Variants in RIPOR1 observed in about 807,000 individuals in gnomAD.
RIPOR1 encodes the protein RHO family interacting cell polarization regulator 1, also known as rho family-interacting cell polarization regulator 1.
RIPOR1 carries 58 observed loss-of-function variants against 116.5 expected under a neutral mutation model. That is an observed-to-expected ratio of 0.50 (90% CI 0.40 to 0.62). The LOEUF (loss-of-function observed/expected upper bound fraction) is 0.62. Ranked by LOEUF, RIPOR1 falls within the 20% of genes least tolerant of loss-of-function variation. The pLI is 0.00. For missense variants in RIPOR1, 1,372 were observed against 1,586.2 expected, an observed-to-expected ratio of 0.86 and a Z score of 2.29; for synonymous variants, 605 against 650.0, an observed-to-expected ratio of 0.93 and a Z score of 1.05.
Position 67,544,261 on chromosome 16 carries a change from G to A in RIPOR1, c.2601-38G>A. 2.5e-6 allele frequency: 4 copies of A among 1,573,346 alleles called. No homozygotes were observed. The highest frequency in any genetic ancestry group is 3.5e-6 in the Non-Finnish European group (4 of 1,152,322). On this transcript the variant is annotated intron_variant, in intron 14 of 21. Transcript: ENST00000042381. This position sits in a 1 kb window ranked among gnomAD's most constrained non-coding sequence, Gnocchi z 5.1. The stretch of plus-strand genomic sequence containing the variant: ...TAAACGCTGGTGACCAGGTGGTGAT[G>A]TGTGCCTGTGGGGTGGTGGACCCCA...
rs1258795470 is a variant in RIPOR1, at chr16:67,530,060, T to C, written c.-24+1146T>C. 6.5e-6 allele frequency: 4 copies of C among 616,214 alleles called. No homozygotes were observed. The highest frequency in any genetic ancestry group is 1.2e-5 in the Non-Finnish European group (4 of 342,052). 38.2% of individuals were successfully genotyped at this position (616,214 alleles called of 1,614,324 possible). Reference sequence around the variant, plus strand: ...CCACCGCCCTCTCCGGCTTGGGTCCTGTGACTGCGGCGGGAGAGAGGAGCA... The same window carrying C: ...CCACCGCCCTCTCCGGCTTGGGTCCCGTGACTGCGGCGGGAGAGAGGAGCA... On this transcript the variant is annotated intron_variant, in intron 1 of 21. Coordinates refer to ENST00000042381, the MANE Select transcript of RIPOR1 (RefSeq NM_024519.4). The surrounding 1 kb of genome is among the most constrained non-coding windows in gnomAD (Gnocchi z 4.5).
intron 1 of RIPOR1, among the ~76,000 whole-genome samples, chr16:67,523,521 TAAAAAAAA>T (rs1169903442): frequency 2.3e-5 from 1 of 44,044 alleles, no homozygotes; most frequent in African/African-American, 7.0e-5. Flanking sequence ...CAAGACTCCA[TAAAAAAAA>T]AAAAAAAAAA....
rs374983804 is a variant in RIPOR1, at chr16:67,539,682, C to G, written c.337-46C>G. 4.8e-5 allele frequency: 77 copies of G among 1,612,134 alleles called. No individual in the cohort carries two copies. In the Middle Eastern group the frequency reaches 2.8e-3, roughly 59 times the overall value. On this transcript the variant is annotated intron_variant, in intron 4 of 21. Coordinates refer to ENST00000042381, the MANE Select transcript of RIPOR1 (RefSeq NM_024519.4). ...GAGTCTGAGTGCCTCTGCTGGAGTC[C>G]TCCTCATCCCTCCTAAATATTTGCC...
intron 1 of RIPOR1, chr16:67,518,749 G>A (rs1310661512): frequency 1.3e-5 from 2 of 152,492 alleles, no homozygotes; most frequent in African/African-American, 4.8e-5. Flanking sequence ...CAGGGTGACA[G>A]AGTCAGGTGA....
At position 67,533,964 on chromosome 16, in the gene RIPOR1, C is replaced by G. The variant is rs183093190; in HGVS notation, c.-23-4460C>G. 5.7e-3 allele frequency among the ~76,000 whole-genome samples: 862 copies of G among 149,940 alleles called. 5 individuals carry two copies. Among genetic ancestry groups the G allele is most frequent in the Non-Finnish European group, 0.01 (705 of 67,564 alleles). ...TTGGGATTACAGTCATGCGCCACCA[C>G]GCCCGGCTAATTTTTTTTTTTTTTT... On this transcript the variant is annotated intron_variant, in intron 1 of 21. Transcript: ENST00000042381.
intron 1 of RIPOR1, among the ~76,000 whole-genome samples, chr16:67,534,242 T>G (rs1274399480): frequency 6.6e-6 from 1 of 151,772 alleles, no homozygotes; most frequent in Non-Finnish European, 1.5e-5. Flanking sequence ...TGCCTCAGCC[T>G]CCCGAGTAGG....
At position 67,537,454 on chromosome 16, in the gene RIPOR1, G is replaced by C; in HGVS notation, c.-23-970G>C. 1.6e-6 allele frequency: 2 copies of C among 1,242,172 alleles called. No homozygotes were observed. The highest frequency in any genetic ancestry group is 2.0e-6 in the Non-Finnish European group (2 of 991,974). The allele number at this position is 1,242,172 out of a possible 1,614,324, so 76.9% of individuals were successfully genotyped here. On this transcript the variant is annotated intron_variant, in intron 1 of 21. Coordinates refer to ENST00000042381, the MANE Select transcript of RIPOR1 (RefSeq NM_024519.4). This position sits in a 1 kb window ranked among gnomAD's most constrained non-coding sequence, Gnocchi z 4.6. The stretch of plus-strand genomic sequence containing the variant: ...GGAACTGGGCGGGGGGCGGCGCCGG[G>C]AGGAGCCGAAGCCGAGCCAGAGCCG...
Position 67,537,430 on chromosome 16 carries a change from G to A in RIPOR1, c.-23-994G>A. On this transcript the variant is annotated intron_variant, in intron 1 of 21. Transcript: ENST00000042381. The surrounding 1 kb of genome is among the most constrained non-coding windows in gnomAD (Gnocchi z 4.6). ...CCAGGCGGGCTGAGTCAGGCGGCAG[G>A]AACTGGGCGGGGGGCGGCGCCGGGA... The A allele has an allele frequency of 8.1e-7, 1 of 1,241,402 alleles. No individual in the cohort carries two copies. The highest frequency in any genetic ancestry group is 1.0e-6 in the Non-Finnish European group (1 of 992,150). 76.9% of individuals were successfully genotyped at this position (1,241,402 alleles called of 1,614,324 possible). A position where few individuals can be genotyped will look rare whatever the true frequency, so the allele number is the denominator to read the frequency against.
In RIPOR1 at chr16:67,529,859, G is replaced by A. The variant is rs962928337; in HGVS notation, c.-24+945G>A. ...GCAGATGCAGAAACAGGCCCAGAGA[G>A]GTTAGTAGTATTCTCAAGGTCACAC... On this transcript the variant is annotated intron_variant, in intron 1 of 21. Transcript: ENST00000042381. This position sits in a 1 kb window ranked among gnomAD's most constrained non-coding sequence, Gnocchi z 4.1. 24 of 1,520,538 alleles carry A rather than the reference G, an allele frequency of 1.6e-5. No homozygotes were observed. The highest frequency in any genetic ancestry group is 2.1e-5 in the Non-Finnish European group (24 of 1,132,790). The allele number at this position is 1,520,538 out of a possible 1,614,324, so 94.2% of individuals were successfully genotyped here.
chr16:67,530,891 G>A lies in RIPOR1; in HGVS notation c.-24+1977G>A, dbSNP rs1443329944. Among the ~76,000 whole-genome samples, 1 of 151,800 alleles carries A rather than the reference G, an allele frequency of 6.6e-6. No homozygotes were observed. Among genetic ancestry groups the A allele is most frequent in the Non-Finnish European group, 1.5e-5 (1 of 67,924 alleles). On this transcript the variant is annotated intron_variant, in intron 1 of 21. Coordinates refer to ENST00000042381, the MANE Select transcript of RIPOR1 (RefSeq NM_024519.4). This position sits in a 1 kb window ranked among gnomAD's most constrained non-coding sequence, Gnocchi z 4.5. ...CCCCACCAGTTGAGGTGGCCCTTCT[G>A]CCTTAGCTCAAGGGGTTCAGCTCTT...
At position 67,542,779 on chromosome 16, in the gene RIPOR1, A is replaced by C. The variant is rs1597651451; in HGVS notation, c.1993A>C (p.Thr665Pro). The C allele has an allele frequency of 6.2e-7, 1 of 1,603,162 alleles. No individual in the cohort carries two copies. Among genetic ancestry groups the C allele is most frequent in the South Asian group, 1.1e-5 (1 of 90,638 alleles). Residue 665 changes from threonine (T) to proline (P), a missense_variant, in exon 13 of 22, where the codon ACC becomes CCC. Physicochemically the swap from Thr to Pro is conservative, Grantham distance 38 (BLOSUM62 -1). Coordinates refer to ENST00000042381, the MANE Select transcript of RIPOR1 (RefSeq NM_024519.4). The surrounding 1 kb of genome is among the most constrained non-coding windows in gnomAD (Gnocchi z 4.6). Reference sequence around the variant, plus strand: ...TCCCACCCATCCTACCACAAGCCCCACCCATCCCACCACAAGCCCCATCCT... The same window carrying C: ...TCCCACCCATCCTACCACAAGCCCCCCCCATCCCACCACAAGCCCCATCCT... ...TSPTHPTTSP[T>P]HPTTSPILIN...
upstream of RIPOR1, among the ~76,000 whole-genome samples, chr16:67,526,854 C>T (rs1483714510): frequency 6.6e-6 from 1 of 152,186 alleles, no homozygotes; most frequent in Non-Finnish European, 1.5e-5. Flanking sequence ...TTGGTGCCAG[C>T]TTTGAGAACT....
At position 67,545,629 on chromosome 16, in the gene RIPOR1, C is replaced by G. The variant is rs376503991; in HGVS notation, c.3191-35C>G. 26 of 1,572,772 alleles carry G rather than the reference C, an allele frequency of 1.7e-5. No individual in the cohort carries two copies. Among genetic ancestry groups the G allele is most frequent in the Non-Finnish European group, 2.2e-5 (25 of 1,157,104 alleles). ...CCTCGGGGGCTCCTCACCCTGCCACCTTGCCCACCCACCCACCATATCCCC... is the reference window on the plus strand; with the variant it reads ...CCTCGGGGGCTCCTCACCCTGCCACGTTGCCCACCCACCCACCATATCCCC... On this transcript the variant is annotated intron_variant, in intron 18 of 21. Coordinates refer to ENST00000042381, the MANE Select transcript of RIPOR1 (RefSeq NM_024519.4). The surrounding 1 kb of genome is among the most constrained non-coding windows in gnomAD (Gnocchi z 4.8).
rs1207110884 is a variant in RIPOR1, at chr16:67,539,068, G to C, written c.336G>C (p.Leu112Phe). The change falls in exon 4 of 22, where the codon TTG becomes TTC. Residue 112 changes from leucine to phenylalanine, a missense_variant and splice_region_variant. Around this residue, in one of 3 missense-constraint regions of RIPOR1, gnomAD observed 202 missense variants for 295.9 expected, o/e 0.68. Coordinates refer to ENST00000042381, the MANE Select transcript of RIPOR1 (RefSeq NM_024519.4). ...QIRESKRNSR[L>F]GFLYDLDKQV... ...GGGAGTCCAAGAGGAATTCCCGCTT[G>C]GTGAGTGGCGGGAGGTACGGATGCC... 6.2e-7 allele frequency: 1 copy of C among 1,612,034 alleles called. No homozygotes were observed. The highest frequency in any genetic ancestry group is 8.5e-7 in the Non-Finnish European group (1 of 1,179,350).
chr16:67,523,737 G>C (rs1177890436), intron 1 of RIPOR1, among the ~76,000 whole-genome samples: 1 of 151,118 alleles, frequency 6.6e-6, no homozygotes, highest in African/African-American at 2.4e-5. Context: ...CTGGAGTGCA[G>C]TGGCACAATC....
intron 1 of RIPOR1, among the ~76,000 whole-genome samples, chr16:67,522,180 A>G (rs1228719551): frequency 3.0e-5 from 4 of 131,930 alleles, no homozygotes; most frequent in Admixed American, 8.2e-5. Context: ...GGCGTGTGCC[A>G]CCACGCCCAG....
In RIPOR1 at chr16:67,546,763, TA is replaced by T. The variant is rs2051183930; in HGVS notation, c.*306del. ...TTTATTTACAGAGTTTTACAGAAAA[TA>T]AAAAAGCAAAATGTCTTTCCTACAT... On this transcript the variant is annotated 3_prime_UTR_variant, in exon 22 of 22. Coordinates refer to ENST00000042381, the MANE Select transcript of RIPOR1 (RefSeq NM_024519.4). 1 of 475,944 alleles carries T rather than the reference TA, an allele frequency of 2.1e-6. No homozygotes were observed. Among genetic ancestry groups the T allele is most frequent in the Admixed American group, 3.7e-5 (1 of 27,260 alleles). The allele number at this position is 475,944 out of a possible 1,614,324, so 29.5% of individuals were successfully genotyped here. A position where few individuals can be genotyped will look rare whatever the true frequency, so the allele number is the denominator to read the frequency against.
intron 4 of RIPOR1, 166 bp downstream of exon 4, chr16:67,539,234 G>A: frequency 3.2e-6 from 2 of 624,008 alleles, no homozygotes; most frequent in Non-Finnish European, 5.5e-6. Context: ...CCCAAACTTT[G>A]CTGTGCATAC....
At position 67,536,861 on chromosome 16, in the gene RIPOR1, C is replaced by T. The variant is rs556947817; in HGVS notation, c.-23-1563C>T. Among the ~76,000 whole-genome samples the T allele has an allele frequency of 1.6e-3, 245 of 152,254 alleles. 1 individual carries two copies. Among genetic ancestry groups the T allele is most frequent in the African/African-American group, 5.6e-3 (234 of 41,546 alleles). On this transcript the variant is annotated intron_variant, in intron 1 of 21. Transcript: ENST00000042381. Reference sequence around the variant, plus strand: ...TTAGCCCATCTTTCCACTCTTCAGCCCCCTACTATCCACCTTCTCACACTT... The same window carrying T: ...TTAGCCCATCTTTCCACTCTTCAGCTCCCTACTATCCACCTTCTCACACTT...
Sources: gnomAD v4.1 joint callset for allele counts (sites outside exome capture counted in the v4.1 genomes callset) on GRCh38, gnomAD v4.1.1 for gene constraint, gnomAD v4.1.1 regional missense constraint, Gnocchi (gnomAD v3.1) non-coding constraint, MANE v1.5 for transcripts, NCBI Gene and HGNC (gene_info 2026-07-23, HGNC 2026-07-21) for gene names.